Variants in CCDC60 observed in about 807,000 individuals in gnomAD.
CCDC60 encodes the protein coiled-coil domain containing 60.
In CCDC60, 54 loss-of-function variants were observed where a neutral mutation model predicts 63.5. The observed-to-expected ratio is 0.85, with a 90% CI of 0.68 to 1.07. The LOEUF (loss-of-function observed/expected upper bound fraction) is 1.07. Ranked by LOEUF, CCDC60 falls within the 50% of genes least tolerant of loss-of-function variation. The pLI, the probability that CCDC60 is intolerant of heterozygous loss-of-function variation, is 0.00. For missense variants in CCDC60, 651 were observed against 684.3 expected (o/e 0.95, Z 0.54); for synonymous variants, 206 against 238.8 (o/e 0.86, Z 1.27).
intron 2 of CCDC60, among the ~76,000 whole-genome samples, chr12:119,464,658 C>T (rs576406936): frequency 6.6e-6 from 1 of 152,124 alleles, no homozygotes; most frequent in African/African-American, 2.4e-5. Flanking sequence ...GCCACAAGAG[C>T]TGCCCACCAT....
intron 1 of CCDC60, among the ~76,000 whole-genome samples, chr12:119,360,155 G>GT (rs1448954100): frequency 6.7e-6 from 1 of 150,114 alleles, no homozygotes; most frequent in Non-Finnish European, 1.5e-5. Flanking sequence ...GGCTGGCCGG[G>GT]CGGGGGGCTG....
At chr12:119,452,445 G>A (rs1304950790) in intron 2 of CCDC60, among the ~76,000 whole-genome samples, 2 of 152,154 alleles carry the variant, frequency 1.3e-5, no homozygotes, top group African/African-American at 4.8e-5. Flanking sequence ...GCTTAGGCCC[G>A]AGAACCAGTC....
intron 13 of CCDC60, 90 bp downstream of exon 13, chr12:119,531,153 CACAAA>C: frequency 7.0e-6 from 8 of 1,142,500 alleles, no homozygotes; most frequent in Middle Eastern, 2.9e-4. Context: ...GTGCTGGGGA[CACAAA>C]GTCCCCTGCC....
intron 1 of CCDC60, among the ~76,000 whole-genome samples, chr12:119,365,067 C>T (rs1420420220): frequency 6.6e-6 from 1 of 152,160 alleles, no homozygotes; most frequent in Non-Finnish European, 1.5e-5. Flanking sequence ...CCATTTAATC[C>T]TCAGAACACC....
At chr12:119,346,824 CTTTCTTTCTTT>C (rs1955601218) in intron 1 of CCDC60, among the ~76,000 whole-genome samples, 1 of 102,610 alleles carries the variant, frequency 9.7e-6, no homozygotes, top group Non-Finnish European at 2.1e-5. Flanking sequence ...TTCTTTCTTT[CTTTCTTTCTTT>C]TTTTTTTGAG....
At chr12:119,414,232 C>T (rs777534515) in intron 1 of CCDC60, among the ~76,000 whole-genome samples, 28 of 152,034 alleles carry the variant, frequency 1.8e-4, no homozygotes, top group Non-Finnish European at 2.6e-4. Context: ...TTGGCCAAGC[C>T]GGTCTCTAAC....
intron 2 of CCDC60, among the ~76,000 whole-genome samples, chr12:119,435,397 TC>T (rs1213581717): frequency 6.6e-6 from 1 of 152,208 alleles, no homozygotes; most frequent in Non-Finnish European, 1.5e-5. Context: ...CTTTAGGCCT[TC>T]CAGGTGAGCC....
chr12:119,494,974 T>C (rs751837135), intron 5 of CCDC60, among the ~76,000 whole-genome samples: 1 of 152,136 alleles, frequency 6.6e-6, no homozygotes, highest in Non-Finnish European at 1.5e-5. Context: ...AAAGCAAATC[T>C]CCGTCTCAAA....
intron 4 of CCDC60, among the ~76,000 whole-genome samples, chr12:119,481,633 G>A (rs1951320630): frequency 6.6e-6 from 1 of 151,776 alleles, no homozygotes; most frequent in Non-Finnish European, 1.5e-5. Context: ...ATAGGTTTTT[G>A]GGGAACAGGT....
At chr12:119,514,782 C>T (rs1021398739) in intron 7 of CCDC60, among the ~76,000 whole-genome samples, 16 of 152,120 alleles carry the variant, frequency 1.1e-4, no homozygotes, top group African/African-American at 3.6e-4. Flanking sequence ...CCTAGGCCTT[C>T]GAATTCACTC....
chr12:119,503,581 G>T (rs1305290262), intron 6 of CCDC60, among the ~76,000 whole-genome samples: 1 of 152,136 alleles, frequency 6.6e-6, no homozygotes, highest in Non-Finnish European at 1.5e-5. Flanking sequence ...CTGAAGATTT[G>T]AGAGAGATGA....
At chr12:119,346,239 A>C (rs775220377) in intron 1 of CCDC60, among the ~76,000 whole-genome samples, 16 of 152,248 alleles carry the variant, frequency 1.1e-4, no homozygotes, top group Non-Finnish European at 1.8e-4. Flanking sequence ...CACTTGAAAA[A>C]AAAATGGCTA....
At chr12:119,390,191 G>A (rs2136195817) in intron 1 of CCDC60, among the ~76,000 whole-genome samples, 1 of 152,234 alleles carries the variant, frequency 6.6e-6, no homozygotes. Flanking sequence ...ATTTGCACAA[G>A]CCATTCCTGC....
At chr12:119,382,942 G>A (rs1956023055) in intron 1 of CCDC60, among the ~76,000 whole-genome samples, 1 of 152,206 alleles carries the variant, frequency 6.6e-6, no homozygotes, top group African/African-American at 2.4e-5. Context: ...CAGACCCAGG[G>A]TAATTGGAGA....
chr12:119,339,175 C>T (rs562477660), intron 1 of CCDC60, among the ~76,000 whole-genome samples: 18 of 152,218 alleles, frequency 1.2e-4, no homozygotes, highest in Admixed American at 9.8e-4. Context: ...TGGGATCAGA[C>T]ATGGGGGAGG....
intron 1 of CCDC60, among the ~76,000 whole-genome samples, chr12:119,360,888 C>T (rs984846726): frequency 6.6e-6 from 1 of 152,170 alleles, no homozygotes; most frequent in East Asian, 1.9e-4. Flanking sequence ...AATCCCGGCA[C>T]CTCGGGAGGC....
At chr12:119,394,744 C>T (rs1161479841) in intron 1 of CCDC60, among the ~76,000 whole-genome samples, 1 of 152,228 alleles carries the variant, frequency 6.6e-6, no homozygotes, top group Non-Finnish European at 1.5e-5. Flanking sequence ...ACGTCACTTT[C>T]CTCCAACTTT....
intron 2 of CCDC60, among the ~76,000 whole-genome samples, chr12:119,460,646 C>T (rs1466581575): frequency 6.6e-6 from 1 of 152,186 alleles, no homozygotes; most frequent in Non-Finnish European, 1.5e-5. Context: ...TCTTCTGGGT[C>T]CGTTGTGGAT....
At chr12:119,447,302 T>G (rs1950559922) in intron 2 of CCDC60, among the ~76,000 whole-genome samples, 1 of 152,114 alleles carries the variant, frequency 6.6e-6, no homozygotes, top group Admixed American at 6.5e-5. Context: ...GCATTGCGCC[T>G]CAGACCCCTC....
Sources: gnomAD v4.1 joint callset for allele counts (sites outside exome capture counted in the v4.1 genomes callset) on GRCh38, gnomAD v4.1.1 for gene constraint, MANE v1.5 for transcripts, NCBI Gene and HGNC (gene_info 2026-07-23, HGNC 2026-07-21) for gene names.